Variants in SORCS1 observed in about 807,000 individuals in gnomAD.
SORCS1 encodes the protein sortilin related VPS10 domain containing receptor 1.
A neutral mutation model predicts 146.1 loss-of-function variants in SORCS1; 60 were observed. That is an observed-to-expected ratio of 0.41 (90% CI 0.33 to 0.51). The LOEUF (loss-of-function observed/expected upper bound fraction) is 0.51, where lower values mean the gene tolerates loss of function less well. Ranked by LOEUF, SORCS1 falls within the 20% of genes least tolerant of loss-of-function variation. SORCS1 has a pLI of 0.21. For missense variants in SORCS1, 1,352 were observed against 1,487.6 expected, an observed-to-expected ratio of 0.91 and a Z score of 1.50; for synonymous variants, 637 against 584.0, an observed-to-expected ratio of 1.09 and a Z score of -1.31.
At chr10:107,012,871 T>C (rs955448581) in intron 1 of SORCS1, among the ~76,000 whole-genome samples, 2 of 152,184 alleles carry the variant, frequency 1.3e-5, no homozygotes, top group Non-Finnish European at 2.9e-5. Context: ...TTTCCTTAAC[T>C]CTTACCAAAT....
Position 106,742,617 on chromosome 10 carries a change from T to C in SORCS1, c.960-12503A>G, listed in dbSNP as rs150843748. ...TTGGTCTCAAACTCTTGACCTCAAG[T>C]GATCCACCTGCCTCGGCCTCCCAAA... On this transcript the variant is annotated intron_variant, in intron 5 of 25. Transcript: ENST00000263054. Among the ~76,000 whole-genome samples the C allele has an allele frequency of 8.5e-3, 1,296 of 152,298 alleles. 15 individuals carry two copies. The highest frequency in any genetic ancestry group is 0.013 in the Admixed American group (192 of 15,304).
At chr10:107,117,711 C>T (rs1966130531) in intron 1 of SORCS1, among the ~76,000 whole-genome samples, 1 of 152,136 alleles carries the variant, frequency 6.6e-6, no homozygotes. Flanking sequence ...TCTGTTACTC[C>T]CTTTCTTCTT....
At chr10:107,070,387 TTTCACAG>T (rs761793123) in intron 1 of SORCS1, among the ~76,000 whole-genome samples, 2 of 152,150 alleles carry the variant, frequency 1.3e-5, no homozygotes, top group Non-Finnish European at 2.9e-5. Context: ...TCAAAGTGGT[TTTCACAG>T]TAGCTGCACA....
At chr10:106,925,907 C>T (rs10884380) in intron 2 of SORCS1, among the ~76,000 whole-genome samples, 79,521 of 152,012 alleles carry the variant, frequency 0.52, 22,404 homozygotes, top group Non-Finnish European at 0.63. Flanking sequence ...TAAAACAGTT[C>T]TGTTCCTGGA....
In SORCS1 at chr10:106,706,617, C is replaced by T; in HGVS notation, c.1161G>A (p.Arg387=). The change falls in exon 8 of 26, where the codon CGG becomes CGA. Residue 387 remains arginine, a synonymous_variant. Coordinates refer to ENST00000263054, the MANE Select transcript of SORCS1 (RefSeq NM_052918.5). ...YVFVQLTSGG[R]PHYYVSYRRN... Reference sequence around the variant, plus strand: ...TTCGGTAGGACACGTAGTAATGTGGCCGCCCTCCTGATGTCAGCTGGATCA... The same window carrying T: ...TTCGGTAGGACACGTAGTAATGTGGTCGCCCTCCTGATGTCAGCTGGATCA... 6.2e-7 allele frequency: 1 copy of T among 1,614,098 alleles called. No individual in the cohort carries two copies. The highest frequency in any genetic ancestry group is 1.1e-5 in the South Asian group (1 of 91,076).
At chr10:106,591,957 C>G (rs1293360733) in intron 24 of SORCS1, among the ~76,000 whole-genome samples, 1 of 152,162 alleles carries the variant, frequency 6.6e-6, no homozygotes. Flanking sequence ...CAGTCTAACA[C>G]TAGCTTGACT....
intron 1 of SORCS1, among the ~76,000 whole-genome samples, chr10:107,153,016 G>C (rs180931479): frequency 6.6e-6 from 1 of 151,564 alleles, no homozygotes; most frequent in African/African-American, 2.4e-5. Flanking sequence ...CTTTCCTTCT[G>C]TCTCTCTCTG....
intron 2 of SORCS1, among the ~76,000 whole-genome samples, chr10:106,889,481 C>A (rs545418441): frequency 6.6e-6 from 1 of 152,064 alleles, no homozygotes; most frequent in South Asian, 2.1e-4. Context: ...AAGCACTTCC[C>A]GGCCAGGCAC....
intron 1 of SORCS1, among the ~76,000 whole-genome samples, chr10:106,985,677 C>T (rs1956439575): frequency 6.6e-6 from 1 of 151,824 alleles, no homozygotes; most frequent in Non-Finnish European, 1.5e-5. Context: ...GCTGGGATTA[C>T]AGGCGCCCAC....
At chr10:106,812,520 G>C (rs550731486) in intron 3 of SORCS1, among the ~76,000 whole-genome samples, 15 of 152,184 alleles carry the variant, frequency 9.9e-5, no homozygotes, top group African/African-American at 3.6e-4. Context: ...TCCAATTTAG[G>C]TCTAGTTGTA....
chr10:106,906,832 C>A (rs1951929201), intron 2 of SORCS1, among the ~76,000 whole-genome samples: 1 of 152,128 alleles, frequency 6.6e-6, no homozygotes, highest in Admixed American at 6.6e-5. Flanking sequence ...CATCTGTCAT[C>A]AATAGAGTAT....
At chr10:106,832,750 T>C (rs1377401268) in intron 2 of SORCS1, among the ~76,000 whole-genome samples, 1 of 152,112 alleles carries the variant, frequency 6.6e-6, no homozygotes, top group Non-Finnish European at 1.5e-5. Context: ...TTTAGCCTGA[T>C]GATAGGTGGA....
At chr10:106,949,833 T>C (rs1402447979) in intron 2 of SORCS1, among the ~76,000 whole-genome samples, 1 of 152,218 alleles carries the variant, frequency 6.6e-6, no homozygotes, top group East Asian at 1.9e-4. Flanking sequence ...AGACAGACAC[T>C]GCAGGTTGTG....
intron 21 of SORCS1, among the ~76,000 whole-genome samples, chr10:106,615,674 G>T (rs1402908100): frequency 6.6e-6 from 1 of 152,156 alleles, no homozygotes; most frequent in African/African-American, 2.4e-5. Context: ...TGAATCTCTG[G>T]ATAACTCAAC....
chr10:106,805,984 C>T (rs555280348), intron 3 of SORCS1, among the ~76,000 whole-genome samples: 22 of 147,844 alleles, frequency 1.5e-4, no homozygotes, highest in African/African-American at 4.8e-4. Flanking sequence ...GGCGTGAACC[C>T]GGGAGGCAGA....
intron 4 of SORCS1, among the ~76,000 whole-genome samples, chr10:106,762,369 A>G (rs551937187): frequency 6.7e-6 from 1 of 148,322 alleles, no homozygotes; most frequent in East Asian, 2.0e-4. Flanking sequence ...TTTTCTTTCT[A>G]AGTCTTTTTT....
intron 1 of SORCS1, among the ~76,000 whole-genome samples, chr10:107,153,181 T>C (rs1449945247): frequency 1.3e-5 from 2 of 152,080 alleles, no homozygotes; most frequent in Admixed American, 1.3e-4. Flanking sequence ...TCTCTGTTTT[T>C]TTTTTCCATC....
In SORCS1 at chr10:106,577,307, C is replaced by T. The variant is rs1295760122; in HGVS notation, c.*113G>A. The stretch of plus-strand genomic sequence containing the variant: ...CTTCCTGGCAAAATAGGAAACAGAA[C>T]AACAAAGGAAAGAAAAAAAACACAA... On this transcript the variant is annotated 3_prime_UTR_variant, in exon 26 of 26. Coordinates refer to ENST00000263054, the MANE Select transcript of SORCS1 (RefSeq NM_052918.5). The T allele has an allele frequency of 1.2e-6, 2 of 1,607,902 alleles. No homozygotes were observed. Among genetic ancestry groups the T allele is most frequent in the Non-Finnish European group, 1.7e-6 (2 of 1,177,568 alleles).
At chr10:107,074,732 G>A (rs186242991) in intron 1 of SORCS1, among the ~76,000 whole-genome samples, 1 of 152,056 alleles carries the variant, frequency 6.6e-6, no homozygotes, top group African/African-American at 2.4e-5. Flanking sequence ...CTCAATTTTG[G>A]CCATTCTCAT....
Sources: gnomAD v4.1 joint callset for allele counts (sites outside exome capture counted in the v4.1 genomes callset) on GRCh38, gnomAD v4.1.1 for gene constraint, MANE v1.5 for transcripts, NCBI Gene and HGNC (gene_info 2026-07-23, HGNC 2026-07-21) for gene names.